GPHN: variants seen among roughly 807,000 people sequenced by gnomAD.
GPHN encodes the protein gephyrin.
Under a neutral mutation model 95.5 loss-of-function variants are expected in GPHN, and 17 were observed. The ratio of observed to expected loss-of-function variants is 0.18; its 90% CI spans 0.12 to 0.27. The LOEUF (loss-of-function observed/expected upper bound fraction) is 0.27. GPHN is among the 10% of genes least tolerant of loss of function. The pLI is 1.00. For missense variants in GPHN, 660 were observed against 978.1 expected, an observed-to-expected ratio of 0.67 and a Z score of 4.34; for synonymous variants, 320 against 322.5, an observed-to-expected ratio of 0.99 and a Z score of 0.08.
intron 1 of GPHN, among the ~76,000 whole-genome samples, chr14:66,603,349 A>G (rs549705757): frequency 6.6e-6 from 1 of 151,988 alleles, no homozygotes; most frequent in East Asian, 1.9e-4. Flanking sequence ...ACACACATCT[A>G]TACTATTTTA....
At chr14:67,594,508 G>A in the GPHN span, among the ~76,000 whole-genome samples, 4 of 152,194 alleles carry the variant, frequency 2.6e-5, no homozygotes, top group African/African-American at 4.8e-5. Flanking sequence ...GTAGCTGGGC[G>A]TGTTGGCACG....
the GPHN span, among the ~76,000 whole-genome samples, chr14:67,288,739 AT>A: frequency 2.0e-5 from 3 of 152,086 alleles, no homozygotes; most frequent in Non-Finnish European, 4.4e-5. Context: ...GGAATCTGAC[AT>A]TTTATATTCT....
At chr14:67,175,874 CTGTT>C (rs1474586743) in intron 21 of GPHN, among the ~76,000 whole-genome samples, 9 of 152,248 alleles carry the variant, frequency 5.9e-5, no homozygotes, top group South Asian at 2.1e-4. Context: ...ATTTGGCTCT[CTGTT>C]TGTGTGTTAT....
intron 1 of GPHN, among the ~76,000 whole-genome samples, chr14:66,635,258 G>C (rs2064034964): frequency 6.6e-6 from 1 of 152,136 alleles, no homozygotes; most frequent in South Asian, 2.1e-4. Context: ...CATTCCATTG[G>C]TCAAAAGAGG....
the GPHN span, among the ~76,000 whole-genome samples, chr14:67,694,541 C>T: frequency 6.7e-6 from 1 of 149,356 alleles, no homozygotes; most frequent in African/African-American, 2.5e-5. Flanking sequence ...AGAAAAATCC[C>T]TCTGGGGTAT....
chr14:67,586,472 C>T, the GPHN span: 4 of 1,223,238 alleles, frequency 3.3e-6, no homozygotes, highest in South Asian at 5.0e-5. Context: ...CGCATGTTAC[C>T]CCTGGGTTCT....
chr14:67,120,825 T>C (rs1302616538), intron 16 of GPHN, among the ~76,000 whole-genome samples: 1 of 152,224 alleles, frequency 6.6e-6, no homozygotes, highest in Non-Finnish European at 1.5e-5. Flanking sequence ...TGGGTTACAA[T>C]GTCACATGGC....
chr14:67,399,559 G>T, the GPHN span, among the ~76,000 whole-genome samples: 3 of 148,056 alleles, frequency 2.0e-5, no homozygotes, highest in East Asian at 4.2e-4. Context: ...GGGTAGTTTA[G>T]GTGGCTGTCA....
the GPHN span, among the ~76,000 whole-genome samples, chr14:67,516,202 C>G: frequency 1.3e-5 from 2 of 152,176 alleles, no homozygotes; most frequent in African/African-American, 4.8e-5. Context: ...CCCATTCGCA[C>G]GCCAAGCCTA....
At chr14:67,103,479 C>A (rs2077844132) in intron 13 of GPHN, among the ~76,000 whole-genome samples, 1 of 146,782 alleles carries the variant, frequency 6.8e-6, no homozygotes, top group South Asian at 2.1e-4. Context: ...TTAATTCTTC[C>A]AACCCAACGA....
In GPHN at chr14:66,928,614, TG is replaced by T. The variant is rs1034750914; in HGVS notation, c.828+4323del. Among the ~76,000 whole-genome samples, 165 of 152,288 alleles carry T rather than the reference TG, an allele frequency of 1.1e-3. 1 individual carries two copies. The highest frequency in any genetic ancestry group is 3.9e-3 in the African/African-American group (161 of 41,572). ...AGTTCTTTATCATGTGTCATTAGGT[TG>T]TTTATTTGTAGTTTTTCTACTTTTT... On this transcript the variant is annotated intron_variant, in intron 8 of 22. Coordinates refer to ENST00000478722, the MANE Select transcript of GPHN (RefSeq NM_020806.5).
At chr14:67,417,110 C>T in the GPHN span, among the ~76,000 whole-genome samples, 3 of 152,190 alleles carry the variant, frequency 2.0e-5, no homozygotes, top group African/African-American at 4.8e-5. Context: ...TAGAGCAGTA[C>T]CAGATCACTC....
At chr14:66,929,163 C>G (rs1596401549) in intron 8 of GPHN, among the ~76,000 whole-genome samples, 1 of 150,998 alleles carries the variant, frequency 6.6e-6, no homozygotes, top group South Asian at 2.1e-4. Context: ...TCAAGCGATT[C>G]TCCTGCTTCA....
the GPHN span, among the ~76,000 whole-genome samples, chr14:67,688,533 G>T: frequency 6.6e-6 from 1 of 151,946 alleles, no homozygotes; most frequent in African/African-American, 2.4e-5. Flanking sequence ...AGAGCAGGGG[G>T]AAGAGGGGAA....
chr14:66,843,700 T>C (rs1596113929), intron 4 of GPHN, among the ~76,000 whole-genome samples: 1 of 152,330 alleles, frequency 6.6e-6, no homozygotes, highest in East Asian at 1.9e-4. Context: ...CGTCCAAACA[T>C]CTTAGAAATA....
the GPHN span, among the ~76,000 whole-genome samples, chr14:67,461,062 C>G: frequency 3.9e-5 from 6 of 152,088 alleles, no homozygotes. Context: ...AAATGAGGAC[C>G]ATTCTAAAGC....
At chr14:67,388,436 C>T in the GPHN span, 1 of 672,746 alleles carries the variant, frequency 1.5e-6, no homozygotes, top group Middle Eastern at 2.5e-4. Context: ...TGAACTTGGA[C>T]ATCACATGGC....
At chr14:67,256,247 ATCT>A in the GPHN span, among the ~76,000 whole-genome samples, 3,881 of 152,296 alleles carry the variant, frequency 0.025, 74 homozygotes, top group Non-Finnish European at 0.036. Flanking sequence ...CTTTATAAAC[ATCT>A]TCTATGTATA....
chr14:66,668,672 A>G (rs2066111230), intron 1 of GPHN, among the ~76,000 whole-genome samples: 2 of 152,160 alleles, frequency 1.3e-5, no homozygotes, highest in South Asian at 4.1e-4. Context: ...AGGAAAAATA[A>G]CTAGTGGATA....
Sources: allele counts gnomAD v4.1 joint callset (sites outside exome capture counted in the v4.1 genomes callset), GRCh38; gene constraint gnomAD v4.1.1; transcripts MANE v1.5; gene names NCBI Gene and HGNC (gene_info 2026-07-23, HGNC 2026-07-21).